Variants in TAF1 observed in about 807,000 individuals in gnomAD.
TAF1 encodes the protein TATA-box binding protein associated factor 1.
In TAF1, 2 loss-of-function variants were observed where a neutral mutation model predicts 138.5. That is an observed-to-expected ratio of 0.01 (90% CI 0.01 to 0.05). The LOEUF is 0.05. Among genes scored for constraint, TAF1 ranks in the 10% least tolerant of loss-of-function variants. The pLI, the probability that TAF1 is intolerant of heterozygous loss-of-function variation, is 1.00. For missense variants in TAF1, 709 were observed against 1,478.0 expected (o/e 0.48, Z 8.53); for synonymous variants, 437 against 503.2 (o/e 0.87, Z 1.76).
At chrX:71,492,200 C>A (rs1031744474) in intron 13 of TAF1, 44 of 125,416 alleles carry the variant, frequency 3.5e-4, no homozygotes, top group Admixed American at 2.2e-3. Context: ...GACTCACACA[C>A]GAGAAGCGGA....
intron 13 of TAF1, among the ~76,000 whole-genome samples, chrX:71,494,760 T>C (rs1244123306): frequency 8.9e-6 from 1 of 112,312 alleles, no homozygotes; most frequent in African/African-American, 3.2e-5. Context: ...AAAGGTGGCA[T>C]GGGCCCAAAC....
chrX:71,446,031 C>T (rs1281649639), intron 32 of TAF1, among the ~76,000 whole-genome samples: 3 of 109,136 alleles, frequency 2.7e-5, no homozygotes, highest in African/African-American at 1.0e-4. Flanking sequence ...GTGCCTCAGC[C>T]TCCCAAGTAA....
chrX:71,455,144 G>A lies in TAF1; in HGVS notation c.4938+287G>A, dbSNP rs951910415. On this transcript the variant is annotated intron_variant, in intron 34 of 37. Transcript: ENST00000423759. ...AGATCCCTGACCCAGCCATCCTCTG[G>A]GTCTCGGGAATTTTCTTGTCCATGA... 2.0e-5 allele frequency: 18 copies of A among 922,118 alleles called. No homozygotes were observed. The African/African-American group carries it at 3.2e-4, about 16-fold the overall frequency. The allele number at this position is 922,118 out of a possible 1,213,427, so 76.0% of individuals were successfully genotyped here. A position where few individuals can be genotyped will look rare whatever the true frequency, so the allele number is the denominator to read the frequency against.
chrX:71,469,459 C>A (rs779230578), downstream of TAF1, among the ~76,000 whole-genome samples: 1 of 109,948 alleles, frequency 9.1e-6, no homozygotes, highest in African/African-American at 3.3e-5. Flanking sequence ...TTTGAGCGGC[C>A]GAGGAGGGAG....
intron 37 of TAF1, chrX:71,461,074 A>G (rs888170758): frequency 9.3e-6 from 3 of 323,736 alleles, no homozygotes; most frequent in Non-Finnish European, 1.6e-5. Flanking sequence ...GTGCCAAAGC[A>G]CCACTGAGAA....
At chrX:71,411,287 G>A (rs1280570863) in intron 28 of TAF1, among the ~76,000 whole-genome samples, 2 of 111,268 alleles carry the variant, frequency 1.8e-5, no homozygotes, top group Non-Finnish European at 3.8e-5. Flanking sequence ...TCACCATGTT[G>A]GCCAGGCTGG....
At chrX:71,449,768 CT>C (rs1257689313) in intron 32 of TAF1, among the ~76,000 whole-genome samples, 1 of 111,538 alleles carries the variant, frequency 9.0e-6, no homozygotes, top group Non-Finnish European at 1.9e-5. Context: ...AGCAACATTT[CT>C]GTTTTCTTTT....
intron 13 of TAF1, among the ~76,000 whole-genome samples, chrX:71,524,060 C>T (rs1473326991): frequency 5.2e-5 from 5 of 95,252 alleles, no homozygotes; most frequent in Non-Finnish European, 8.2e-5. Flanking sequence ...CTTGCTCTGT[C>T]ACCCAGGCCG....
intron 28 of TAF1, among the ~76,000 whole-genome samples, chrX:71,420,980 C>T (rs1026853203): frequency 1.9e-4 from 21 of 112,839 alleles, no homozygotes; most frequent in Admixed American, 1.3e-3. Context: ...CGCCCGCTGC[C>T]GCCTGCTCAC....
At chrX:71,508,700 G>A (rs2039678125) in intron 13 of TAF1, among the ~76,000 whole-genome samples, 1 of 106,403 alleles carries the variant, frequency 9.4e-6, no homozygotes, top group Non-Finnish European at 1.9e-5. Context: ...AAGGTGTAGA[G>A]CTAAGAGATA....
At chrX:71,388,589 A>T (rs929215835) in intron 16 of TAF1, 149 bp from the exon 17 acceptor site, 41 of 941,915 alleles carry the variant, frequency 4.4e-5, no homozygotes, top group Non-Finnish European at 6.0e-5. Flanking sequence ...AGTTGTAGGA[A>T]ACTTAGCAGC....
intron 13 of TAF1, among the ~76,000 whole-genome samples, chrX:71,502,348 G>A (rs953676975): frequency 1.8e-5 from 2 of 109,875 alleles, no homozygotes; most frequent in Non-Finnish European, 3.8e-5. Flanking sequence ...ATCCTTTAGC[G>A]AGACACAGAG....
chrX:71,390,229 A>C (rs895473447), intron 18 of TAF1, among the ~76,000 whole-genome samples: 1 of 111,683 alleles, frequency 9.0e-6, no homozygotes, highest in Non-Finnish European at 1.9e-5. Flanking sequence ...AAGACTTCAC[A>C]TGATTTGGGC....
At chrX:71,413,442 A>G (rs1342441775) in intron 28 of TAF1, among the ~76,000 whole-genome samples, 1 of 112,186 alleles carries the variant, frequency 8.9e-6, no homozygotes, top group South Asian at 3.7e-4. Flanking sequence ...TTGACTAATT[A>G]TGCTGAAAAT....
intron 28 of TAF1, among the ~76,000 whole-genome samples, chrX:71,417,484 G>A (rs939115611): frequency 4.5e-5 from 5 of 110,518 alleles, no homozygotes; most frequent in African/African-American, 1.6e-4. Flanking sequence ...AGCCTCCCGA[G>A]TAGCTGGGAC....
chrX:71,411,724 A>G (rs1433898845), intron 28 of TAF1, among the ~76,000 whole-genome samples: 2 of 112,227 alleles, frequency 1.8e-5, no homozygotes, highest in African/African-American at 6.5e-5. Flanking sequence ...TTCACGTACC[A>G]TGCAGTTTAA....
At chrX:71,403,628 C>G (rs916295845) in intron 25 of TAF1, among the ~76,000 whole-genome samples, 2 of 111,401 alleles carry the variant, frequency 1.8e-5, no homozygotes, top group Non-Finnish European at 3.8e-5. Context: ...CCCTGACAAT[C>G]TTTTAATAGT....
intron 13 of TAF1, among the ~76,000 whole-genome samples, chrX:71,516,641 T>TAA (rs35879951): frequency 2.0e-4 from 17 of 83,605 alleles, no homozygotes; most frequent in Admixed American, 4.0e-4. Flanking sequence ...GACCCCGTCT[T>TAA]AAAAAAAAAA....
At chrX:71,367,895 T>G in intron 2 of TAF1, among the ~76,000 whole-genome samples, 159 bp from the exon 3 acceptor site, 1 of 112,095 alleles carries the variant, frequency 8.9e-6, no homozygotes, top group East Asian at 2.8e-4. Flanking sequence ...GGTCTTGAAC[T>G]CCTGGCCTGA....
Sources: gnomAD v4.1 joint callset for allele counts (sites outside exome capture counted in the v4.1 genomes callset) on GRCh38, gnomAD v4.1.1 for gene constraint, MANE v1.5 for transcripts, NCBI Gene and HGNC (gene_info 2026-07-23, HGNC 2026-07-21) for gene names.